GREB1L: variants seen among roughly 807,000 people sequenced by gnomAD.
GREB1L encodes the protein GREB1-like protein.
Under a neutral mutation model 200.8 loss-of-function variants are expected in GREB1L, and 17 were observed. That is an observed-to-expected ratio of 0.08 (90% CI 0.06 to 0.13). The LOEUF is 0.13. Among genes scored for constraint, GREB1L ranks in the 10% least tolerant of loss-of-function variants. The pLI, the probability that GREB1L is intolerant of heterozygous loss-of-function variation, is 1.00. For missense variants in GREB1L, 1,657 were observed against 2,367.7 expected (o/e 0.70, Z 6.23); for synonymous variants, 789 against 893.0 (o/e 0.88, Z 2.08).
At chr18:21,461,096 CAA>C (rs71178176) in intron 15 of GREB1L, among the ~76,000 whole-genome samples, 1 of 130,044 alleles carries the variant, frequency 7.7e-6, no homozygotes, top group African/African-American at 3.1e-5. Context: ...GACTCCATCT[CAA>C]AAAAAAAAAA....
At position 21,314,935 on chromosome 18, in the gene GREB1L, A is replaced by G. The variant is rs559592541; in HGVS notation, c.-119-51092A>G. Reference sequence around the variant, plus strand: ...CTAGGTGAGTCAGCTTCCTGTCTTGAAACAAAATGAGCACATGTAAAAGTC... The same window carrying G: ...CTAGGTGAGTCAGCTTCCTGTCTTGGAACAAAATGAGCACATGTAAAAGTC... On this transcript the variant is annotated intron_variant, in intron 1 of 32. Transcript: ENST00000424526. Among the ~76,000 whole-genome samples, 15 of 152,332 alleles carry G rather than the reference A, an allele frequency of 9.8e-5. No homozygotes were observed. The South Asian group carries it at 3.1e-3, about 32-fold the overall frequency.
intron 1 of GREB1L, among the ~76,000 whole-genome samples, chr18:21,316,096 A>G (rs78514883): frequency 0.026 from 3,885 of 152,176 alleles, 175 homozygotes; most frequent in African/African-American, 0.086. Context: ...CTCAGACTCT[A>G]TGGAGATAAC....
At chr18:21,263,914 C>A (rs1396347974) in intron 1 of GREB1L, among the ~76,000 whole-genome samples, 2 of 152,128 alleles carry the variant, frequency 1.3e-5, no homozygotes, top group African/African-American at 4.8e-5. Flanking sequence ...CCAAGAAATA[C>A]AAAAACAATC....
At chr18:21,405,091 G>C (rs2030020986) in intron 7 of GREB1L, among the ~76,000 whole-genome samples, 1 of 152,202 alleles carries the variant, frequency 6.6e-6, no homozygotes, top group Non-Finnish European at 1.5e-5. Context: ...CCTGTACTCA[G>C]CTAAGTCCAC....
Position 21,383,597 on chromosome 18 carries a change from A to G in GREB1L, c.79A>G (p.Arg27Gly). ...CCACAACTCCATAGAAGCCTCCCTC[A>G]GATGTAGTAGTGTGGTACCACGGCC... is the stretch of plus-strand genomic sequence containing the variant. ...ALHNSIEASL[R>G]CSSVVPRPIF... is the part of the protein sequence containing the mutation. The change falls in exon 3 of 33, where the codon AGA (arginine) becomes GGA (glycine). Residue 27 changes from arginine to glycine, a missense_variant. Physicochemically the swap from Arg to Gly is moderately radical, Grantham distance 125 (BLOSUM62 -2). Around this residue, in one of 9 missense-constraint regions of GREB1L, gnomAD observed 121 missense variants for 126.6 expected, o/e 0.96. Transcript: ENST00000424526. 2 of 1,551,014 alleles carry G rather than the reference A, an allele frequency of 1.3e-6. No individual in the cohort carries two copies. The highest frequency in any genetic ancestry group is 1.7e-6 in the Non-Finnish European group (2 of 1,146,648).
At chr18:21,251,421 A>G (rs1409550579) in intron 1 of GREB1L, among the ~76,000 whole-genome samples, 2 of 152,236 alleles carry the variant, frequency 1.3e-5, no homozygotes, top group African/African-American at 2.4e-5. Context: ...CTTTTAAATT[A>G]TTATACAATA....
chr18:21,245,197 C>T (rs528798005), intron 1 of GREB1L, among the ~76,000 whole-genome samples: 3 of 152,116 alleles, frequency 2.0e-5, no homozygotes, highest in South Asian at 4.2e-4. Context: ...ACACTGTAAG[C>T]GATGATTGCA....
At chr18:21,389,108 C>T (rs1453505853) in intron 4 of GREB1L, among the ~76,000 whole-genome samples, 1 of 152,022 alleles carries the variant, frequency 6.6e-6, no homozygotes, top group South Asian at 2.1e-4. Context: ...GGGCAGGCTA[C>T]GTAAATTATT....
At chr18:21,455,101 A>G (rs897740817) in intron 15 of GREB1L, 2 of 153,720 alleles carry the variant, frequency 1.3e-5, no homozygotes, top group Non-Finnish European at 2.9e-5. Context: ...GAAAATGTGA[A>G]AAGGTAGAGA....
At chr18:21,460,592 G>A (rs1322361816) in intron 15 of GREB1L, among the ~76,000 whole-genome samples, 5 of 151,492 alleles carry the variant, frequency 3.3e-5, no homozygotes, top group Admixed American at 1.3e-4. Flanking sequence ...CACCCGCCTC[G>A]GCCTCCCAAA....
rs2037650092 is a variant in GREB1L at position 21,524,338 on chromosome 18, A to C, written c.*1517A>C. ...ATGGTTTGCAGATCTCTTGGTTTTAATATAGCTACTTATAATGCTTTAACT... is the reference window on the plus strand; with the variant it reads ...ATGGTTTGCAGATCTCTTGGTTTTACTATAGCTACTTATAATGCTTTAACT... On this transcript the variant is annotated 3_prime_UTR_variant, in exon 33 of 33. Coordinates refer to ENST00000424526, the MANE Select transcript of GREB1L (RefSeq NM_001142966.3). The C allele has an allele frequency of 6.6e-6, 1 of 152,228 alleles. No homozygotes were observed. The highest frequency in any genetic ancestry group is 1.5e-5 in the Non-Finnish European group (1 of 68,032). The allele number at this position is 152,228 out of a possible 1,614,324, so 9.4% of individuals were successfully genotyped here.
chr18:21,293,879 G>A (rs545178563), intron 1 of GREB1L, among the ~76,000 whole-genome samples: 7 of 152,154 alleles, frequency 4.6e-5, no homozygotes, highest in East Asian at 3.9e-4. Context: ...TCCCGGGTTC[G>A]AGTGATACTC....
chr18:21,339,546 T>C (rs1467588657), intron 1 of GREB1L, among the ~76,000 whole-genome samples: 2 of 152,242 alleles, frequency 1.3e-5, no homozygotes, highest in African/African-American at 4.8e-5. Context: ...AGGACCTAGG[T>C]TTGAATCTTA....
intron 1 of GREB1L, among the ~76,000 whole-genome samples, chr18:21,269,001 T>G (rs1396820368): frequency 6.6e-6 from 1 of 152,118 alleles, no homozygotes; most frequent in African/African-American, 2.4e-5. Flanking sequence ...GAAGAATGTC[T>G]GGAGCCAGTA....
chr18:21,485,878 G>A, intron 18 of GREB1L, 125 bp downstream of exon 18: 1 of 858,322 alleles, frequency 1.2e-6, no homozygotes, highest in South Asian at 2.0e-5. Context: ...ACGTGCAAAG[G>A]CCAAATTAAA....
chr18:21,360,683 T>A (rs2039569170), intron 1 of GREB1L, among the ~76,000 whole-genome samples: 1 of 152,214 alleles, frequency 6.6e-6, no homozygotes, highest in African/African-American at 2.4e-5. Context: ...TGAGATAGAA[T>A]TTATCAGACT....
intron 1 of GREB1L, among the ~76,000 whole-genome samples, chr18:21,253,075 G>C (rs1281864426): frequency 3.3e-5 from 5 of 151,926 alleles, no homozygotes; most frequent in Admixed American, 2.6e-4. Flanking sequence ...ACAGAGCTTT[G>C]TTGGATTTTA....
intron 7 of GREB1L, among the ~76,000 whole-genome samples, chr18:21,438,783 C>G (rs903985742): frequency 6.6e-6 from 1 of 151,052 alleles, no homozygotes; most frequent in African/African-American, 2.4e-5. Context: ...ACGGTGAAAC[C>G]CCATCTCTAC....
At chr18:21,330,673 G>A (rs1280288076) in intron 1 of GREB1L, among the ~76,000 whole-genome samples, 1 of 152,048 alleles carries the variant, frequency 6.6e-6, no homozygotes, top group Non-Finnish European at 1.5e-5. Context: ...CCACTGAGGG[G>A]GGTAAGAACA....
Sources: gnomAD v4.1 joint callset for allele counts (sites outside exome capture counted in the v4.1 genomes callset) on GRCh38, gnomAD v4.1.1 for gene constraint, gnomAD v4.1.1 regional missense constraint, MANE v1.5 for transcripts, NCBI Gene and HGNC (gene_info 2026-07-23, HGNC 2026-07-21) for gene names.